ZBTB47: variants seen among roughly 807,000 people sequenced by gnomAD.
ZBTB47 encodes the protein zinc finger and BTB domain-containing protein 47.
ZBTB47 carries 24 observed loss-of-function variants against 56.6 expected under a neutral mutation model. The observed-to-expected ratio is 0.42, with a 90% CI of 0.31 to 0.60. The LOEUF (loss-of-function observed/expected upper bound fraction) is 0.60. Among genes scored for constraint, ZBTB47 ranks in the 20% least tolerant of loss-of-function variants. ZBTB47 has a pLI of 0.14. For missense variants in ZBTB47, 829 were observed against 1,032.6 expected (o/e 0.80, Z 2.70); for synonymous variants, 414 against 418.9 (o/e 0.99, Z 0.14).
rs1393471357 is a variant in ZBTB47 at position 42,659,685 on chromosome 3, G to A, written c.1330G>A (p.Val444Ile). The part of the protein sequence containing the change: ...QHHPCQKCPR[V>I]FNNRWYLEKH... ...CCATCCATGCCAGAAGTGCCCACGAGTTTTCAACAACCGCTGGTACCTGGA... is the reference window on the plus strand; with the variant it reads ...CCATCCATGCCAGAAGTGCCCACGAATTTTCAACAACCGCTGGTACCTGGA... The change falls in exon 2 of 6, where the codon GTT (valine) becomes ATT (isoleucine). Residue 444 changes from valine to isoleucine, a missense_variant. By Grantham distance (29) the Val-to-Ile change is conservative. Transcript: ENST00000232974. 6.2e-7 allele frequency: 1 copy of A among 1,613,108 alleles called. No homozygotes were observed. The highest frequency in any genetic ancestry group is 8.5e-7 in the Non-Finnish European group (1 of 1,179,602).
chr3:42,664,054 G>T (rs1710753272), intron 5 of ZBTB47, 113 bp downstream of exon 5: 2 of 1,475,668 alleles, frequency 1.4e-6, no homozygotes, highest in East Asian at 5.0e-5. Context: ...CTGGGCCTCC[G>T]TTTACCCATG....
At chr3:42,655,644 A>C (rs1710633165) in intron 1 of ZBTB47, among the ~76,000 whole-genome samples, 1 of 152,192 alleles carries the variant, frequency 6.6e-6, no homozygotes, top group African/African-American at 2.4e-5. Context: ...TGCTTCCGGG[A>C]ACCAGCACAT....
chr3:42,664,155 C>T, intron 5 of ZBTB47, 82 bp from the exon 6 acceptor site: 3 of 1,566,166 alleles, frequency 1.9e-6, no homozygotes, highest in Non-Finnish European at 2.6e-6. Flanking sequence ...CCCACTATGG[C>T]TCCATGGGAG....
rs1004587121 is a variant in ZBTB47, at chr3:42,665,846, T to C, written c.*1248T>C. The C allele has an allele frequency of 7.2e-5, 11 of 152,678 alleles. No individual in the cohort carries two copies. The allele number at this position is 152,678 out of a possible 1,614,324, so 9.5% of individuals were successfully genotyped here. A position where few individuals can be genotyped will look rare whatever the true frequency, so the allele number is the denominator to read the frequency against. ...GCTAGCACTAATAGGAAACCCTTTT[T>C]TGTTGTCATTTAATGTCTTTATTCC... On this transcript the variant is annotated 3_prime_UTR_variant, in exon 6 of 6. Transcript: ENST00000232974.
chr3:42,656,058 T>G lies in ZBTB47; in HGVS notation c.-82+2175T>G, dbSNP rs1710638039. On this transcript the variant is annotated intron_variant, in intron 1 of 5. Transcript: ENST00000232974. This position sits in a 1 kb window ranked among gnomAD's most constrained non-coding sequence, Gnocchi z 5.8. ...TGGGGCTCTGTTGCCTGGGGTGGACTTCCCCCAACAGGCCTGGCTTCAGCA... is the reference window on the plus strand; with the variant it reads ...TGGGGCTCTGTTGCCTGGGGTGGACGTCCCCCAACAGGCCTGGCTTCAGCA... 6.6e-6 allele frequency among the ~76,000 whole-genome samples: 1 copy of G among 152,182 alleles called. No individual in the cohort carries two copies. The highest frequency in any genetic ancestry group is 2.4e-5 in the African/African-American group (1 of 41,438).
In ZBTB47 at chr3:42,659,213, G is replaced by GGAGGACGAC; in HGVS notation, c.863_864insCGACGAGGA (p.Glu287_Glu288insAspAspGlu). The stretch of plus-strand genomic sequence containing the variant: ...AGGAGGAGGAGGACGACGAGGAGGA[G>GGAGGACGAC]GAGGAGGAAGAAGAGGAAGAGGAAG... On this transcript the variant is annotated inframe_insertion, in exon 2 of 6. Transcript: ENST00000232974. 6.5e-7 allele frequency: 1 copy of GGAGGACGAC among 1,528,848 alleles called. No individual in the cohort carries two copies. Among genetic ancestry groups the GGAGGACGAC allele is most frequent in the South Asian group, 1.2e-5 (1 of 82,102 alleles). 94.7% of individuals were successfully genotyped at this position (1,528,848 alleles called of 1,614,324 possible). A position where few individuals can be genotyped will look rare whatever the true frequency, so the allele number is the denominator to read the frequency against.
Position 42,664,532 on chromosome 3 carries a change from G to GCCC in ZBTB47, c.2180_2181insCCC (p.Pro731dup). ...AGACCCTGCCGCCCCCGCCCCACCT[G>GCCC]CCGCCCCCGCCTCCGCTCTTCCCCA... is the stretch of plus-strand genomic sequence containing the variant. On this transcript the variant is annotated inframe_insertion, in exon 6 of 6. Transcript: ENST00000232974. 1 of 1,087,620 alleles carries GCCC rather than the reference G, an allele frequency of 9.2e-7. No homozygotes were observed. The highest frequency in any genetic ancestry group is 1.1e-6 in the Non-Finnish European group (1 of 882,686). 67.4% of individuals were successfully genotyped at this position (1,087,620 alleles called of 1,614,324 possible). A position where few individuals can be genotyped will look rare whatever the true frequency, so the allele number is the denominator to read the frequency against.
chr3:42,657,495 G>C (rs903712792), intron 1 of ZBTB47, among the ~76,000 whole-genome samples: 5 of 152,228 alleles, frequency 3.3e-5, no homozygotes, highest in African/African-American at 9.6e-5. Context: ...TAGGCCTGAG[G>C]CTGCAGGCAG....
At chr3:42,664,070 T>G (rs1189235218) in intron 5 of ZBTB47, 129 bp downstream of exon 5, 2 of 1,468,754 alleles carry the variant, frequency 1.4e-6, no homozygotes, top group Middle Eastern at 2.4e-4. Context: ...CCATGCTTCC[T>G]GCCTCCCAGG....
chr3:42,664,887 G>T lies in ZBTB47; in HGVS notation c.*289G>T. On this transcript the variant is annotated 3_prime_UTR_variant, in exon 6 of 6. Coordinates refer to ENST00000232974, the MANE Select transcript of ZBTB47 (RefSeq NM_145166.4). ...GTGAAGGAAAAAGAAACTATTTACA[G>T]CACTCCCCTCCAGGTGAGGGGGGTG... 1 of 277,418 alleles carries T rather than the reference G, an allele frequency of 3.6e-6. No individual in the cohort carries two copies. The highest frequency in any genetic ancestry group is 6.6e-6 in the Non-Finnish European group (1 of 151,284). 17.2% of individuals were successfully genotyped at this position (277,418 alleles called of 1,614,324 possible).
intron 2 of ZBTB47, among the ~76,000 whole-genome samples, chr3:42,661,204 C>G (rs1055174788): frequency 1.3e-5 from 2 of 152,112 alleles, no homozygotes; most frequent in Non-Finnish European, 2.9e-5. Flanking sequence ...CTTTGGAAGC[C>G]CTTGTTGAAA....
chr3:42,664,008 C>A, intron 5 of ZBTB47, 67 bp downstream of exon 5: 1 of 1,536,556 alleles, frequency 6.5e-7, no homozygotes, highest in Non-Finnish European at 8.8e-7. Context: ...CCGCTCAGGA[C>A]ACCTGGAATA....
rs769524997 is a variant in ZBTB47, at chr3:42,658,907, A to G, written c.552A>G (p.Pro184=). ...AGGTVPATIG[P]AQPFFKEEKE... Reference sequence around the variant, plus strand: ...GCACAGTGCCTGCCACCATTGGGCCAGCCCAGCCCTTCTTTAAGGAGGAGA... The same window carrying G: ...GCACAGTGCCTGCCACCATTGGGCCGGCCCAGCCCTTCTTTAAGGAGGAGA... Residue 184 remains proline, a synonymous_variant, in exon 2 of 6, where the codon CCA becomes CCG. Transcript: ENST00000232974. 34 of 1,499,628 alleles carry G rather than the reference A, an allele frequency of 2.3e-5. No homozygotes were observed. In the African/African-American group the frequency reaches 2.9e-4, roughly 13 times the overall value. 92.9% of individuals were successfully genotyped at this position (1,499,628 alleles called of 1,614,324 possible).
At chr3:42,660,174 C>A (rs891222359) in intron 2 of ZBTB47, among the ~76,000 whole-genome samples, 3 of 152,178 alleles carry the variant, frequency 2.0e-5, no homozygotes, top group African/African-American at 4.8e-5. Context: ...AGAAGACAGG[C>A]CACTCTGGGT....
chr3:42,664,376 G>C lies in ZBTB47; in HGVS notation c.2022G>C (p.Met674Ile). ...VCGQRFRFSN[M>I]LKAHKEKCFR... ...GCCAGCGCTTCCGCTTCTCCAACAT[G>C]CTCAAGGCCCACAAGGAGAAGTGCT... Residue 674 changes from methionine to isoleucine, a missense_variant, in exon 6 of 6, where the codon ATG (methionine) becomes ATC (isoleucine). Around this residue, in one of 6 missense-constraint regions of ZBTB47, gnomAD observed 115 missense variants for 117.2 expected, o/e 0.98. Coordinates refer to ENST00000232974, the MANE Select transcript of ZBTB47 (RefSeq NM_145166.4). 1 of 1,607,852 alleles carries C rather than the reference G, an allele frequency of 6.2e-7. No homozygotes were observed. Among genetic ancestry groups the C allele is most frequent in the Non-Finnish European group, 8.5e-7 (1 of 1,177,528 alleles).
In ZBTB47 at chr3:42,664,717, A is replaced by T; in HGVS notation, c.*119A>T. 1.6e-6 allele frequency: 2 copies of T among 1,226,526 alleles called. No individual in the cohort carries two copies. The highest frequency in any genetic ancestry group is 3.0e-4 in the Middle Eastern group (1 of 3,386). 76.0% of individuals were successfully genotyped at this position (1,226,526 alleles called of 1,614,324 possible). A position where few individuals can be genotyped will look rare whatever the true frequency, so the allele number is the denominator to read the frequency against. On this transcript the variant is annotated 3_prime_UTR_variant, in exon 6 of 6. Transcript: ENST00000232974. Reference sequence around the variant, plus strand: ...GCCTGGGCCCTGCTCCACCTCCAGAAGTGGCTGGATGTACCCTGCCTGAGG... The same window carrying T: ...GCCTGGGCCCTGCTCCACCTCCAGATGTGGCTGGATGTACCCTGCCTGAGG...
Position 42,666,483 on chromosome 3 carries a change from T to C in ZBTB47, c.*1885T>C, listed in dbSNP as rs569613719. Among the ~76,000 whole-genome samples, 40 of 152,330 alleles carry C rather than the reference T, an allele frequency of 2.6e-4. No individual in the cohort carries two copies. The highest frequency in any genetic ancestry group is 9.1e-4 in the African/African-American group (38 of 41,580). On this transcript the variant is annotated 3_prime_UTR_variant, in exon 6 of 6. Transcript: ENST00000232974. ...CAGGGTCCCCCCCTCCCTGTTGCTA[T>C]TTTTAATCTCTAGTCCCAGTGCCTG...
In ZBTB47 at chr3:42,667,420, C is replaced by T. The variant is rs966981254; in HGVS notation, c.*2822C>T. Among the ~76,000 whole-genome samples the T allele has an allele frequency of 6.6e-6, 1 of 152,234 alleles. No homozygotes were observed. The highest frequency in any genetic ancestry group is 1.5e-5 in the Non-Finnish European group (1 of 68,046). ...TCATGCTGCCATAGTCTCCACGGTG[C>T]CCTTCACAGAGGGCTTGGTAGTGGC... On this transcript the variant is annotated 3_prime_UTR_variant, in exon 6 of 6. Transcript: ENST00000232974.
chr3:42,659,850 G>T (rs1212019736), intron 2 of ZBTB47, 22 bp downstream of exon 2: 5 of 1,577,690 alleles, frequency 3.2e-6, no homozygotes, highest in Non-Finnish European at 4.3e-6. Flanking sequence ...GTGGCTGGGG[G>T]CAGGGCAGAG....
Sources: gnomAD v4.1 joint callset for allele counts (sites outside exome capture counted in the v4.1 genomes callset) on GRCh38, gnomAD v4.1.1 for gene constraint, gnomAD v4.1.1 regional missense constraint, Gnocchi (gnomAD v3.1) non-coding constraint, MANE v1.5 for transcripts, NCBI Gene and HGNC (gene_info 2026-07-23, HGNC 2026-07-21) for gene names.